The following TBC1D22A variants were observed in gnomAD, a reference collection of about 807,000 sequenced individuals.
The protein encoded by TBC1D22A is putative GTPase activator.
In TBC1D22A, 38 loss-of-function variants were observed where a neutral mutation model predicts 60.2. The ratio of observed to expected loss-of-function variants is 0.63; its 90% confidence interval spans 0.49 to 0.83. The LOEUF (loss-of-function observed/expected upper bound fraction) is 0.83, where lower values mean the gene tolerates loss of function less well. Among genes scored for constraint, TBC1D22A ranks in the 40% least tolerant of loss-of-function variants. TBC1D22A has a pLI of 0.00. For synonymous variants in TBC1D22A, 302 were observed against 281.7 expected (o/e 1.07, Z -0.72); for missense variants, 628 against 701.0 (o/e 0.90, Z 1.18).
intron 11 of TBC1D22A, among the ~76,000 whole-genome samples, chr22:47,077,742 G>T (rs1299432572): frequency 1.3e-5 from 2 of 152,172 alleles, no homozygotes; most frequent in Admixed American, 1.3e-4. Flanking sequence ...GGATCAGTGA[G>T]CAGGGCCATT....
intron 10 of TBC1D22A, 69 bp from the exon 11 acceptor site, chr22:47,037,002 G>A (rs2148396813): frequency 6.3e-7 from 1 of 1,599,336 alleles, no homozygotes; most frequent in Admixed American, 1.7e-5. Flanking sequence ...TGGGGGACAA[G>A]TGACCTGGCT....
chr22:47,147,387 G>T (rs1056727096), intron 12 of TBC1D22A, among the ~76,000 whole-genome samples: 2 of 149,870 alleles, frequency 1.3e-5, no homozygotes, highest in African/African-American at 4.8e-5. Flanking sequence ...GGCTCAAGTG[G>T]GTGTGTTTTG....
intron 12 of TBC1D22A, among the ~76,000 whole-genome samples, chr22:47,147,689 G>C (rs1267072946): frequency 6.6e-6 from 1 of 152,280 alleles, no homozygotes; most frequent in Admixed American, 6.5e-5. Context: ...ACAGGGCCGG[G>C]CTGGGAGTGA....
In TBC1D22A at chr22:46,984,410, A is replaced by C. The variant is rs2074642027; in HGVS notation, c.1125+10011A>C. 2.2e-5 allele frequency among the ~76,000 whole-genome samples: 3 copies of C among 138,826 alleles called. No homozygotes were observed. In the South Asian group the frequency reaches 7.2e-4, roughly 33 times the overall value. The allele number at this position is 138,826 out of a possible 152,430, so 91.1% of individuals were successfully genotyped here. ...AAAAAAAAAAAAAAAAAAAAAAGAGAAGTTCCAGGCTGGATGAGGCCCTCT... is the reference window on the plus strand; with the variant it reads ...AAAAAAAAAAAAAAAAAAAAAAGAGCAGTTCCAGGCTGGATGAGGCCCTCT... On this transcript the variant is annotated intron_variant, in intron 9 of 12. Transcript: ENST00000337137.
intron 12 of TBC1D22A, among the ~76,000 whole-genome samples, chr22:47,167,894 T>C (rs191982991): frequency 6.6e-6 from 1 of 152,312 alleles, no homozygotes; most frequent in African/African-American, 2.4e-5. Flanking sequence ...AAAAGTATCC[T>C]TGGCTTGAAG....
At chr22:46,894,619 C>T (rs1200857092) in intron 6 of TBC1D22A, among the ~76,000 whole-genome samples, 165 bp from the exon 7 acceptor site, 2 of 152,298 alleles carry the variant, frequency 1.3e-5, no homozygotes, top group East Asian at 3.9e-4. Context: ...CTTTGGATAC[C>T]TCCTTCAGGG....
In TBC1D22A at chr22:46,994,931, A is replaced by G. The variant is rs1053455383; in HGVS notation, c.1126-2703A>G. 4.6e-5 allele frequency among the ~76,000 whole-genome samples: 7 copies of G among 152,236 alleles called. 1 individual carries two copies. Among genetic ancestry groups the G allele is most frequent in the African/African-American group, 1.7e-4 (7 of 41,458 alleles). On this transcript the variant is annotated intron_variant, in intron 9 of 12. Coordinates refer to ENST00000337137, the MANE Select transcript of TBC1D22A (RefSeq NM_014346.5). The stretch of plus-strand genomic sequence containing the variant: ...GTCAAAGGAATTCAAGTCTGGAGCC[A>G]AAATTTCTTACTCCTGTTAAATTTC...
chr22:46,827,240 C>G (rs2086109024), intron 4 of TBC1D22A, among the ~76,000 whole-genome samples: 1 of 152,224 alleles, frequency 6.6e-6, no homozygotes, highest in Non-Finnish European at 1.5e-5. Context: ...GGAGAGTGCT[C>G]TGCCCGCCGT....
intron 8 of TBC1D22A, among the ~76,000 whole-genome samples, chr22:46,963,577 A>G (rs1048972895): frequency 6.6e-6 from 1 of 152,248 alleles, no homozygotes; most frequent in African/African-American, 2.4e-5. Context: ...CCCAAGAGAC[A>G]GGCCATCTTG....
intron 9 of TBC1D22A, among the ~76,000 whole-genome samples, chr22:46,988,298 A>C (rs1319862877): frequency 6.6e-6 from 1 of 152,206 alleles, no homozygotes; most frequent in Admixed American, 6.5e-5. Flanking sequence ...CTTGCAGTTA[A>C]TGTTGGTTTT....
intron 7 of TBC1D22A, among the ~76,000 whole-genome samples, chr22:46,904,109 A>ATCTGTCTGTCTGTCTGTCTGTCTG (rs1176935651): frequency 7.6e-4 from 50 of 65,678 alleles, no homozygotes; most frequent in African/African-American, 2.7e-3. Flanking sequence ...CTATCTATCT[A>ATCTGTCTGTCTGTCTGTCTGTCTG]TCTATCTATC....
intron 1 of TBC1D22A, chr22:46,789,294 T>G (rs2084302806): frequency 2.6e-6 from 1 of 386,944 alleles, no homozygotes; most frequent in Non-Finnish European, 5.4e-6. Context: ...CCCGGCTAAT[T>G]TTTTGTATTT....
chr22:47,132,494 C>T (rs1462985988), intron 12 of TBC1D22A, among the ~76,000 whole-genome samples: 5 of 145,782 alleles, frequency 3.4e-5, no homozygotes, highest in South Asian at 2.3e-4. Flanking sequence ...CTTACCTGCC[C>T]GGCCTTAGTC....
At chr22:47,054,409 G>T (rs940497950) in intron 11 of TBC1D22A, among the ~76,000 whole-genome samples, 4 of 152,108 alleles carry the variant, frequency 2.6e-5, no homozygotes, top group African/African-American at 9.7e-5. Flanking sequence ...TTGCCTGGCC[G>T]TTCCTCCCCA....
chr22:47,174,736 C>T lies in TBC1D22A; in HGVS notation c.*1110C>T, dbSNP rs143606455. On this transcript the variant is annotated 3_prime_UTR_variant, in exon 13 of 13. Coordinates refer to ENST00000337137, the MANE Select transcript of TBC1D22A (RefSeq NM_014346.5). ...CGGTTCTGCCGTGGACTGGTTCCCG[C>T]CGTGGACCAGTTCCCGCTGTATACT... The T allele has an allele frequency of 5.2e-3, 768 of 148,106 alleles. 23 individuals carry two copies. Among genetic ancestry groups the T allele is most frequent in the Non-Finnish European group, 7.5e-3 (488 of 65,342 alleles). The allele number at this position is 148,106 out of a possible 1,614,324, so 9.2% of individuals were successfully genotyped here.
intron 8 of TBC1D22A, among the ~76,000 whole-genome samples, chr22:46,969,535 T>C (rs1338625234): frequency 6.6e-6 from 1 of 152,264 alleles, no homozygotes; most frequent in Non-Finnish European, 1.5e-5. Context: ...CTTTCTGTGG[T>C]CTAAGAAGGC....
At position 46,762,700 on chromosome 22, in the gene TBC1D22A, C is replaced by T; in HGVS notation, c.-87C>T. 1.6e-6 allele frequency: 2 copies of T among 1,222,768 alleles called. No individual in the cohort carries two copies. Among genetic ancestry groups the T allele is most frequent in the Non-Finnish European group, 2.2e-6 (2 of 929,670 alleles). 75.7% of individuals were successfully genotyped at this position (1,222,768 alleles called of 1,614,324 possible). A position where few individuals can be genotyped will look rare whatever the true frequency, so the allele number is the denominator to read the frequency against. Reference sequence around the variant, plus strand: ...TGGAGTCCCGGGAGCAGTGAGGGGCCACCCGGGGCACAGGAAAGGGCCGCT... The same window carrying T: ...TGGAGTCCCGGGAGCAGTGAGGGGCTACCCGGGGCACAGGAAAGGGCCGCT... On this transcript the variant is annotated 5_prime_UTR_variant, in exon 1 of 13. Transcript: ENST00000337137.
In TBC1D22A at chr22:46,777,440, G is replaced by T. The variant is rs565818409; in HGVS notation, c.62+14592G>T. Among the ~76,000 whole-genome samples the T allele has an allele frequency of 5.3e-5, 8 of 152,280 alleles. No individual in the cohort carries two copies. The highest frequency in any genetic ancestry group is 1.9e-4 in the African/African-American group (8 of 41,564). ...TGATTTTTTGGGGGAACCCGTTGAC[G>T]TGAGGTGGTGGATTCGTGGCTGAGA... On this transcript the variant is annotated intron_variant, in intron 1 of 12. Coordinates refer to ENST00000337137, the MANE Select transcript of TBC1D22A (RefSeq NM_014346.5). This position sits in a 1 kb window ranked among gnomAD's most constrained non-coding sequence, Gnocchi z 4.5.
intron 12 of TBC1D22A, among the ~76,000 whole-genome samples, chr22:47,142,506 GCATCCATCCACCTACC>G (rs1198476825): frequency 8.3e-4 from 38 of 45,966 alleles, no homozygotes; most frequent in African/African-American, 3.3e-3. Flanking sequence ...CACCCACTAT[GCATCCATCCACCTACC>G]CATCCATCCA....
Sources: allele counts gnomAD v4.1 joint callset (sites outside exome capture counted in the v4.1 genomes callset), GRCh38; gene constraint gnomAD v4.1.1; non-coding constraint Gnocchi (gnomAD v3.1); transcripts MANE v1.5; gene names NCBI Gene and HGNC (gene_info 2026-07-23, HGNC 2026-07-21).